The following RIMS2 variants were observed in gnomAD, a reference collection of about 807,000 sequenced individuals.
RIMS2 encodes regulating synaptic membrane exocytosis 2.
RIMS2 carries 59 observed loss-of-function variants against 174.4 expected under a neutral mutation model. The observed-to-expected ratio is 0.34, with a 90% CI of 0.27 to 0.42. The LOEUF is 0.42. Among genes scored for constraint, RIMS2 ranks in the 10% least tolerant of loss-of-function variants. The pLI is 1.00. For missense variants in RIMS2, 1,620 were observed against 1,666.3 expected, an observed-to-expected ratio of 0.97 and a Z score of 0.48; for synonymous variants, 606 against 572.5, an observed-to-expected ratio of 1.06 and a Z score of -0.84.
At chr8:103,677,817 A>C (rs2096834304) in intron 1 of RIMS2, among the ~76,000 whole-genome samples, 1 of 152,210 alleles carries the variant, frequency 6.6e-6, no homozygotes, top group Non-Finnish European at 1.5e-5. Flanking sequence ...CGTGGACAAA[A>C]AAAAAGAAGT....
intron 1 of RIMS2, among the ~76,000 whole-genome samples, chr8:103,514,970 T>A (rs368827280): frequency 6.6e-6 from 1 of 152,086 alleles, no homozygotes; most frequent in Non-Finnish European, 1.5e-5. Flanking sequence ...AACTTCATTT[T>A]TTTCTGATTG....
chr8:103,860,395 A>G (rs968638565), intron 3 of RIMS2, among the ~76,000 whole-genome samples: 1 of 152,148 alleles, frequency 6.6e-6, no homozygotes, highest in African/African-American at 2.4e-5. Context: ...GTTTGTGAGA[A>G]TTAAATGAAA....
chr8:103,750,469 T>C (rs1450698868), intron 2 of RIMS2, among the ~76,000 whole-genome samples: 1 of 152,148 alleles, frequency 6.6e-6, no homozygotes, highest in East Asian at 1.9e-4. Context: ...TTGGATTGTT[T>C]GCAACTCAAT....
chr8:104,078,217 G>A (rs1389516715), intron 19 of RIMS2, among the ~76,000 whole-genome samples: 5 of 150,130 alleles, frequency 3.3e-5, no homozygotes, highest in Middle Eastern at 3.5e-3. Context: ...TAGCGATTTT[G>A]TATTTTTATT....
At chr8:103,952,156 A>G (rs2085578646) in intron 14 of RIMS2, among the ~76,000 whole-genome samples, 1 of 152,072 alleles carries the variant, frequency 6.6e-6, no homozygotes, top group Non-Finnish European at 1.5e-5. Context: ...CACCTGGGGG[A>G]AGGAGCGGTT....
rs376270592 is a variant in RIMS2, at chr8:103,581,700, T to C, written c.176+80638T>C. The stretch of plus-strand genomic sequence containing the variant: ...AAGTCACATTAGGTTTGTTTGCAGA[T>C]GACATGATCTTATACTTAGAAAAAC... On this transcript the variant is annotated intron_variant, in intron 1 of 23. Coordinates refer to ENST00000504942, the Ensembl canonical transcript of RIMS2. Among the ~76,000 whole-genome samples the C allele has an allele frequency of 1.2e-4, 19 of 152,336 alleles. No homozygotes were observed. The East Asian group carries it at 2.9e-3, about 23-fold the overall frequency.
chr8:103,917,402 C>T (rs1466562172), intron 8 of RIMS2, among the ~76,000 whole-genome samples: 1 of 152,156 alleles, frequency 6.6e-6, no homozygotes, highest in African/African-American at 2.4e-5. Flanking sequence ...AGTATTAAAT[C>T]TGGCACTTGA....
At chr8:103,612,592 C>T (rs987629825) in intron 1 of RIMS2, among the ~76,000 whole-genome samples, 1 of 151,942 alleles carries the variant, frequency 6.6e-6, no homozygotes, top group Non-Finnish European at 1.5e-5. Context: ...TTTTTTTCCC[C>T]CCTCTAGACG....
At chr8:104,178,197 T>A (rs1287364904) in intron 19 of RIMS2, among the ~76,000 whole-genome samples, 1 of 152,140 alleles carries the variant, frequency 6.6e-6, no homozygotes, top group Admixed American at 6.6e-5. Context: ...AGGACTACAT[T>A]CCTTTCTGGT....
chr8:103,571,971 G>C (rs949749285), intron 1 of RIMS2, among the ~76,000 whole-genome samples: 1 of 152,212 alleles, frequency 6.6e-6, no homozygotes, highest in Non-Finnish European at 1.5e-5. Flanking sequence ...AATAGTAATA[G>C]TGTGTCCAGC....
chr8:103,854,955 C>A (rs2099019498), intron 3 of RIMS2, among the ~76,000 whole-genome samples: 1 of 152,044 alleles, frequency 6.6e-6, no homozygotes, highest in African/African-American at 2.4e-5. Flanking sequence ...CTTTGTATAA[C>A]TGGTAGAACT....
At chr8:103,712,935 C>G (rs2138044636) in intron 2 of RIMS2, among the ~76,000 whole-genome samples, 1 of 151,978 alleles carries the variant, frequency 6.6e-6, no homozygotes, top group Non-Finnish European at 1.5e-5. Context: ...TAGTAATAAT[C>G]CTTATTTTTA....
At chr8:103,530,442 A>C (rs1332488692) in intron 1 of RIMS2, among the ~76,000 whole-genome samples, 1 of 152,170 alleles carries the variant, frequency 6.6e-6, no homozygotes, top group Non-Finnish European at 1.5e-5. Context: ...GGACTGTTAT[A>C]ATAAAAAATT....
chr8:103,968,819 T>G (rs1415716775), intron 15 of RIMS2, among the ~76,000 whole-genome samples: 1 of 152,138 alleles, frequency 6.6e-6, no homozygotes, highest in East Asian at 1.9e-4. Flanking sequence ...TTTCTATATG[T>G]AGCTTTGAAA....
chr8:104,173,545 T>G (rs2098844471), intron 19 of RIMS2, among the ~76,000 whole-genome samples: 1 of 151,558 alleles, frequency 6.6e-6, no homozygotes, highest in Non-Finnish European at 1.5e-5. Flanking sequence ...TGAAACATTT[T>G]TTATAGAACA....
intron 20 of RIMS2, among the ~76,000 whole-genome samples, chr8:104,248,032 A>G (rs1251740014): frequency 6.6e-6 from 1 of 152,212 alleles, no homozygotes; most frequent in Non-Finnish European, 1.5e-5. Flanking sequence ...TGGAGTGTGC[A>G]GAAAGCAGTG....
At chr8:103,921,954 T>G (rs1007307119) in intron 10 of RIMS2, 170 bp downstream of exon 13, 1 of 402,908 alleles carries the variant, frequency 2.5e-6, no homozygotes, top group Non-Finnish European at 4.5e-6. Context: ...TTTATCATAC[T>G]GCTTCATTTA....
chr8:103,765,666 A>G (rs2098163131), intron 2 of RIMS2, among the ~76,000 whole-genome samples: 1 of 152,126 alleles, frequency 6.6e-6, no homozygotes, highest in South Asian at 2.1e-4. Flanking sequence ...TAAGAATATA[A>G]TTGCGGTTAG....
intron 1 of RIMS2, among the ~76,000 whole-genome samples, chr8:103,604,026 T>G (rs199758566): frequency 9.3e-5 from 14 of 150,078 alleles, no homozygotes; most frequent in Non-Finnish European, 1.3e-4. Flanking sequence ...GTCTATTTTG[T>G]CTTTTGTTGC....
Sources: allele counts gnomAD v4.1 joint callset (sites outside exome capture counted in the v4.1 genomes callset), GRCh38; gene constraint gnomAD v4.1.1; transcripts MANE v1.5; gene names NCBI Gene and HGNC (gene_info 2026-07-23, HGNC 2026-07-21).